NTNG2: variants seen among roughly 807,000 people sequenced by gnomAD.
The protein encoded by NTNG2 is netrin G2, also known as netrin-G2.
In NTNG2, 15 loss-of-function variants were observed where a neutral mutation model predicts 47.6. That is an observed-to-expected ratio of 0.32 (90% confidence interval 0.21 to 0.49). NTNG2 has a LOEUF of 0.49. Among genes scored for constraint, NTNG2 ranks in the 20% least tolerant of loss-of-function variants. The pLI is 0.99. For synonymous variants in NTNG2, 307 were observed against 324.6 expected, an observed-to-expected ratio of 0.95 and a Z score of 0.58; for missense variants, 578 against 764.6, an observed-to-expected ratio of 0.76 and a Z score of 2.88.
intron 4 of NTNG2, among the ~76,000 whole-genome samples, chr9:132,228,135 A>G (rs572599093): frequency 6.6e-6 from 1 of 152,336 alleles, no homozygotes; most frequent in East Asian, 1.9e-4. Context: ...TGCTCAGACC[A>G]GGCCTGGGCA....
At chr9:132,202,446 C>G (rs1193707775) in intron 3 of NTNG2, among the ~76,000 whole-genome samples, 1 of 152,166 alleles carries the variant, frequency 6.6e-6, no homozygotes, top group African/African-American at 2.4e-5. Context: ...AGCACAGGCA[C>G]CCGCAAGTCC....
rs1203604467 is a variant in NTNG2 at position 132,236,094 on chromosome 9, C to T, written c.1055-3010C>T. On this transcript the variant is annotated intron_variant, in intron 5 of 7. Transcript: ENST00000393229. This position sits in a 1 kb window ranked among gnomAD's most constrained non-coding sequence, Gnocchi z 4.3. ...CCCCCTCTCCAGCTGCCCTTGCTCA[C>T]AGGACACCTGGGCAGTTGCTGGATC... Among the ~76,000 whole-genome samples, 1 of 152,250 alleles carries T rather than the reference C, an allele frequency of 6.6e-6. No homozygotes were observed. Among genetic ancestry groups the T allele is most frequent in the Non-Finnish European group, 1.5e-5 (1 of 68,044 alleles).
chr9:132,170,944 G>A (rs1196085977), intron 2 of NTNG2, among the ~76,000 whole-genome samples: 1 of 152,104 alleles, frequency 6.6e-6, no homozygotes, highest in African/African-American at 2.4e-5. Context: ...GTTGACGAAG[G>A]GGCCAGAGGT....
intron 2 of NTNG2, among the ~76,000 whole-genome samples, chr9:132,178,329 G>A (rs893745698): frequency 2.0e-5 from 3 of 152,040 alleles, no homozygotes; most frequent in Non-Finnish European, 2.9e-5. Flanking sequence ...GTCCACCTCC[G>A]TCCCTCTCCC....
rs1203105567 is a variant in NTNG2, at chr9:132,180,991, T to C, written c.213+13947T>C. ...ATCCGTGGTCACTTTCGGTCAATCA[T>C]CTGGCCTGAGCAGGTTCTGCCTTCT... is the stretch of plus-strand genomic sequence containing the variant. On this transcript the variant is annotated intron_variant, in intron 2 of 7. Transcript: ENST00000393229. The surrounding 1 kb of genome is among the most constrained non-coding windows in gnomAD (Gnocchi z 4.2). Among the ~76,000 whole-genome samples, 1 of 152,212 alleles carries C rather than the reference T, an allele frequency of 6.6e-6. No homozygotes were observed. Among genetic ancestry groups the C allele is most frequent in the Admixed American group, 6.5e-5 (1 of 15,284 alleles).
intron 3 of NTNG2, among the ~76,000 whole-genome samples, chr9:132,200,759 G>A (rs1425507703): frequency 6.6e-6 from 1 of 152,220 alleles, no homozygotes; most frequent in Non-Finnish European, 1.5e-5. Flanking sequence ...GGGGCCCGTG[G>A]TTCTGACACC....
At chr9:132,183,260 G>A (rs1001905580) in intron 2 of NTNG2, among the ~76,000 whole-genome samples, 3 of 152,150 alleles carry the variant, frequency 2.0e-5, no homozygotes, top group African/African-American at 7.2e-5. Context: ...CCTGGAAGGA[G>A]GGGGCCGGCC....
At chr9:132,229,432 C>T (rs1841032770) in intron 4 of NTNG2, among the ~76,000 whole-genome samples, 1 of 152,148 alleles carries the variant, frequency 6.6e-6, no homozygotes, top group Non-Finnish European at 1.5e-5. Context: ...ATCCTCAGCC[C>T]TGCAGCAGCC....
At chr9:132,205,615 T>C (rs1408949948) in intron 3 of NTNG2, among the ~76,000 whole-genome samples, 2 of 152,164 alleles carry the variant, frequency 1.3e-5, no homozygotes, top group African/African-American at 4.8e-5. Flanking sequence ...GCGCGGTGGC[T>C]CATGCCTGTA....
rs952573482 is a variant in NTNG2 at position 132,208,597 on chromosome 9, T to G, written c.857+9988T>G. Among the ~76,000 whole-genome samples, 1 of 151,912 alleles carries G rather than the reference T, an allele frequency of 6.6e-6. No homozygotes were observed. The highest frequency in any genetic ancestry group is 1.5e-5 in the Non-Finnish European group (1 of 67,968). On this transcript the variant is annotated intron_variant, in intron 3 of 7. Coordinates refer to ENST00000393229, the MANE Select transcript of NTNG2 (RefSeq NM_032536.4). The surrounding 1 kb of genome is among the most constrained non-coding windows in gnomAD (Gnocchi z 4.0). The stretch of plus-strand genomic sequence containing the variant: ...GGTGGCAGTGTTGCTGAGTAGCTGA[T>G]GGGAGCAGGCGGTGGGAGGCATCAT...
intron 6 of NTNG2, chr9:132,240,578 A>G: frequency 2.3e-6 from 1 of 433,840 alleles, no homozygotes; most frequent in Non-Finnish European, 4.3e-6. Flanking sequence ...CACCTGTCGG[A>G]GTCATAGCTC....
At chr9:132,202,588 G>A (rs557310243) in intron 3 of NTNG2, among the ~76,000 whole-genome samples, 2 of 152,358 alleles carry the variant, frequency 1.3e-5, no homozygotes, top group East Asian at 3.9e-4. Context: ...GAGAGTGGCT[G>A]GCTTCAGACT....
rs755821222 is a variant in NTNG2 at position 132,166,792 on chromosome 9, C to T, written c.-40C>T. 1.9e-5 allele frequency: 31 copies of T among 1,601,694 alleles called. No homozygotes were observed. Among genetic ancestry groups the T allele is most frequent in the East Asian group, 1.1e-4 (5 of 44,830 alleles). The stretch of plus-strand genomic sequence containing the variant: ...CCGCCTGACCCCGTCGCTGCCTCTC[C>T]AGGGCTTCTCTGGGCCGCGCCTCTG... On this transcript the variant is annotated 5_prime_UTR_variant, in exon 2 of 8. Transcript: ENST00000393229.
chr9:132,193,480 G>A (rs1050568875), intron 2 of NTNG2, among the ~76,000 whole-genome samples: 1 of 152,146 alleles, frequency 6.6e-6, no homozygotes, highest in Non-Finnish European at 1.5e-5. Context: ...GTGGCCAAAG[G>A]AGCACAGGCT....
chr9:132,211,510 C>T (rs1839585989), intron 3 of NTNG2, among the ~76,000 whole-genome samples: 3 of 152,124 alleles, frequency 2.0e-5, no homozygotes, highest in Admixed American at 2.0e-4. Flanking sequence ...TCCCTCTCAC[C>T]TCCTTCTGTA....
chr9:132,234,455 T>C (rs1841476167), intron 5 of NTNG2, among the ~76,000 whole-genome samples: 2 of 152,196 alleles, frequency 1.3e-5, no homozygotes, highest in South Asian at 4.1e-4. Flanking sequence ...CACCTGAGTG[T>C]GTCCCTGGGC....
chr9:132,188,125 C>T (rs1837544213), intron 2 of NTNG2, among the ~76,000 whole-genome samples: 1 of 152,260 alleles, frequency 6.6e-6, no homozygotes, highest in Non-Finnish European at 1.5e-5. Context: ...GCTAGCTCGG[C>T]TGCCTTTCCT....
chr9:132,203,259 G>T (rs961175959), intron 3 of NTNG2, among the ~76,000 whole-genome samples: 10 of 152,136 alleles, frequency 6.6e-5, no homozygotes, highest in African/African-American at 2.4e-4. Context: ...AGGATTATTT[G>T]AGCCTGGGAG....
At chr9:132,174,188 C>T (rs1836210512) in intron 2 of NTNG2, among the ~76,000 whole-genome samples, 1 of 130,824 alleles carries the variant, frequency 7.6e-6, no homozygotes, top group South Asian at 2.6e-4. Flanking sequence ...GCAGGTCGAA[C>T]CATGCTGCAG....
Sources: allele counts gnomAD v4.1 joint callset (sites outside exome capture counted in the v4.1 genomes callset), GRCh38; gene constraint gnomAD v4.1.1; non-coding constraint Gnocchi (gnomAD v3.1); transcripts MANE v1.5; gene names NCBI Gene and HGNC (gene_info 2026-07-23, HGNC 2026-07-21).